CNTN5: variants seen among roughly 807,000 people sequenced by gnomAD.
CNTN5 encodes contactin-5.
In CNTN5, 77 loss-of-function variants were observed where a neutral mutation model predicts 129.1. That is an observed-to-expected ratio of 0.60 (90% confidence interval 0.50 to 0.72). The LOEUF (loss-of-function observed/expected upper bound fraction) is 0.72. Ranked by LOEUF, CNTN5 falls within the 30% of genes least tolerant of loss-of-function variation. The pLI is 0.00. For missense variants in CNTN5, 1,478 were observed against 1,328.8 expected (o/e 1.11, Z -1.75); for synonymous variants, 509 against 465.6 (o/e 1.09, Z -1.20).
chr11:100,180,124 A>G (rs540958710), intron 13 of CNTN5, among the ~76,000 whole-genome samples: 15 of 152,170 alleles, frequency 9.9e-5, no homozygotes, highest in Middle Eastern at 3.4e-3. Flanking sequence ...ATTATAGGCA[A>G]TATCTCATGA....
At chr11:99,292,568 C>T (rs1355276572) in intron 1 of CNTN5, among the ~76,000 whole-genome samples, 4 of 152,078 alleles carry the variant, frequency 2.6e-5, no homozygotes, top group Non-Finnish European at 4.4e-5. Context: ...GGAAAGGGTC[C>T]AGTCCTTCCT....
At chr11:99,486,805 A>G (rs1463064641) in intron 2 of CNTN5, among the ~76,000 whole-genome samples, 1 of 152,144 alleles carries the variant, frequency 6.6e-6, no homozygotes, top group East Asian at 1.9e-4. Context: ...GGTTAACCAT[A>G]AGTTATAAAG....
In CNTN5 at chr11:100,336,271, A is replaced by T. The variant is rs538693127; in HGVS notation, c.2731-4192A>T. 1.2e-3 allele frequency among the ~76,000 whole-genome samples: 183 copies of T among 152,336 alleles called. 1 individual carries two copies. The highest frequency in any genetic ancestry group is 4.2e-3 in the African/African-American group (175 of 41,578). On this transcript the variant is annotated intron_variant, in intron 21 of 24. Coordinates refer to ENST00000524871, the MANE Select transcript of CNTN5 (RefSeq NM_014361.4). The stretch of plus-strand genomic sequence containing the variant: ...GGTATATGAAGATTTCCATGGCAGC[A>T]TTTTAATTAAAGGAGCAATATGAAT...
At chr11:99,754,332 C>A (rs1383254534) in intron 3 of CNTN5, among the ~76,000 whole-genome samples, 1 of 152,200 alleles carries the variant, frequency 6.6e-6, no homozygotes. Flanking sequence ...TACTCCTCCA[C>A]CATTTAGCTC....
At chr11:99,529,478 G>C (rs1017096261) in intron 2 of CNTN5, among the ~76,000 whole-genome samples, 3 of 152,130 alleles carry the variant, frequency 2.0e-5, no homozygotes, top group African/African-American at 7.2e-5. Context: ...GGGATTTTTA[G>C]AACTTTTCTT....
At chr11:99,088,420 T>C (rs1170723149) in intron 1 of CNTN5, among the ~76,000 whole-genome samples, 1 of 152,124 alleles carries the variant, frequency 6.6e-6, no homozygotes, top group Non-Finnish European at 1.5e-5. Context: ...CCGTGATCTT[T>C]AAGACCAAGT....
At chr11:99,722,514 A>C (rs915540489) in intron 3 of CNTN5, among the ~76,000 whole-genome samples, 2 of 152,094 alleles carry the variant, frequency 1.3e-5, no homozygotes, top group Non-Finnish European at 2.9e-5. Flanking sequence ...AGCAGAAAAC[A>C]TAACTACTGG....
At chr11:99,107,782 T>C (rs1867071032) in intron 1 of CNTN5, among the ~76,000 whole-genome samples, 1 of 151,590 alleles carries the variant, frequency 6.6e-6, no homozygotes, top group Non-Finnish European at 1.5e-5. Flanking sequence ...ATACAAAAAA[T>C]TAGCCGGGCA....
At chr11:100,343,159 A>T (rs1952204118) in intron 23 of CNTN5, among the ~76,000 whole-genome samples, 1 of 152,242 alleles carries the variant, frequency 6.6e-6, no homozygotes, top group Admixed American at 6.5e-5. Flanking sequence ...CTTAATAAAG[A>T]TATCACAAGT....
intron 1 of CNTN5, among the ~76,000 whole-genome samples, chr11:99,262,450 ATTAT>A (rs1375754160): frequency 3.3e-5 from 5 of 152,034 alleles, no homozygotes; most frequent in African/African-American, 4.8e-5. Flanking sequence ...ACTTCTTCCC[ATTAT>A]TTATTCTCTA....
intron 10 of CNTN5, among the ~76,000 whole-genome samples, chr11:100,068,727 A>G (rs1943789283): frequency 1.3e-5 from 2 of 152,224 alleles, no homozygotes; most frequent in African/African-American, 4.8e-5. Context: ...TTTTTGAATG[A>G]TAGCTTGCAG....
At chr11:100,118,835 G>A (rs1025127372) in intron 13 of CNTN5, among the ~76,000 whole-genome samples, 10 of 151,568 alleles carry the variant, frequency 6.6e-5, no homozygotes, top group Admixed American at 2.0e-4. Context: ...CTTTAGAATT[G>A]TAAAATGGGA....
chr11:100,252,119 T>G (rs1010159313), intron 16 of CNTN5, among the ~76,000 whole-genome samples: 5 of 152,142 alleles, frequency 3.3e-5, no homozygotes, highest in African/African-American at 1.2e-4. Flanking sequence ...CTAACTGGGG[T>G]GAGATGATAC....
At chr11:100,224,299 A>G (rs1002504430) in intron 15 of CNTN5, among the ~76,000 whole-genome samples, 14 of 152,178 alleles carry the variant, frequency 9.2e-5, no homozygotes, top group African/African-American at 3.1e-4. Flanking sequence ...TCTTTTCACA[A>G]TTCATTTCCC....
At chr11:100,101,198 A>T (rs1945211903) in intron 13 of CNTN5, among the ~76,000 whole-genome samples, 1 of 152,116 alleles carries the variant, frequency 6.6e-6, no homozygotes, top group Non-Finnish European at 1.5e-5. Context: ...AAGCTGGGAG[A>T]TGTAAACTTG....
At chr11:100,333,934 G>A (rs1436723515) in intron 21 of CNTN5, among the ~76,000 whole-genome samples, 5 of 152,110 alleles carry the variant, frequency 3.3e-5, no homozygotes, top group African/African-American at 1.2e-4. Flanking sequence ...ATAAATAGAT[G>A]GGACTTAATT....
intron 8 of CNTN5, among the ~76,000 whole-genome samples, chr11:99,986,976 C>T (rs1055101811): frequency 6.6e-6 from 1 of 151,998 alleles, no homozygotes; most frequent in Non-Finnish European, 1.5e-5. Flanking sequence ...CTTATTCATT[C>T]ACAAAATGTG....
chr11:99,345,423 G>A (rs994029055), intron 2 of CNTN5, among the ~76,000 whole-genome samples: 4 of 151,986 alleles, frequency 2.6e-5, no homozygotes, highest in Non-Finnish European at 5.9e-5. Context: ...CATCTTAAAG[G>A]CAACTTAAAA....
At chr11:99,381,953 C>CT (rs1940585959) in intron 2 of CNTN5, among the ~76,000 whole-genome samples, 1 of 150,046 alleles carries the variant, frequency 6.7e-6, no homozygotes, top group African/African-American at 2.5e-5. Context: ...TCCTCGAGGG[C>CT]TGAGAGAAAA....
Sources: allele counts gnomAD v4.1 joint callset (sites outside exome capture counted in the v4.1 genomes callset), GRCh38; gene constraint gnomAD v4.1.1; transcripts MANE v1.5; gene names NCBI Gene and HGNC (gene_info 2026-07-23, HGNC 2026-07-21).